Variants in MINAR1 observed in about 807,000 individuals in gnomAD.
MINAR1 encodes the protein major intrinsically disordered Notch2-binding receptor 1.
In MINAR1, 40 loss-of-function variants were observed where a neutral mutation model predicts 65.1. That is an observed-to-expected ratio of 0.61 (90% confidence interval 0.48 to 0.80). The LOEUF (loss-of-function observed/expected upper bound fraction) is 0.80, where lower values mean the gene tolerates loss of function less well. Ranked by LOEUF, MINAR1 falls within the 30% of genes least tolerant of loss-of-function variation. MINAR1 has a pLI of 0.00. For synonymous variants in MINAR1, 482 were observed against 449.1 expected (o/e 1.07, Z -0.93); for missense variants, 1,128 against 1,148.0 (o/e 0.98, Z 0.25).
chr15:79,467,408 T>C (rs777449327), intron 3 of MINAR1, among the ~76,000 whole-genome samples: 2 of 152,218 alleles, frequency 1.3e-5, no homozygotes, highest in Non-Finnish European at 2.9e-5. Context: ...CCTTTCTTCA[T>C]GGAAATAGAT....
intron 3 of MINAR1, 45 bp from the exon 4 acceptor site, chr15:79,468,142 T>C: frequency 6.5e-7 from 1 of 1,531,180 alleles, no homozygotes; most frequent in South Asian, 1.1e-5. Context: ...TTTGACCTGA[T>C]TTCAAGTATT....
rs17266017 is a variant in MINAR1, at chr15:79,470,183, A to C, written c.*1799A>C. On this transcript the variant is annotated 3_prime_UTR_variant, in exon 4 of 4. Coordinates refer to ENST00000305428, the MANE Select transcript of MINAR1 (RefSeq NM_015206.3). Reference sequence around the variant, plus strand: ...GGATTTATAATTGAAAATGAAAAAAATATGTTACTCTCTATCATCAGAATT... The same window carrying C: ...GGATTTATAATTGAAAATGAAAAAACTATGTTACTCTCTATCATCAGAATT... The C allele has an allele frequency of 0.23, 34,555 of 152,536 alleles. 4,413 individuals carry two copies. The highest frequency in any genetic ancestry group is 0.33 in the Middle Eastern group (98 of 294). The allele number at this position is 152,536 out of a possible 1,614,324, so 9.4% of individuals were successfully genotyped here. A position where few individuals can be genotyped will look rare whatever the true frequency, so the allele number is the denominator to read the frequency against.
upstream of MINAR1, among the ~76,000 whole-genome samples, chr15:79,431,794 C>T (rs909542692): frequency 3.3e-5 from 5 of 152,330 alleles, 1 homozygote; most frequent in South Asian, 1.0e-3. Flanking sequence ...GGTGGGCTCC[C>T]TCCAGCGCGC....
chr15:79,469,834 TTTTGGTAGCAAGTGTAATCA>T lies in MINAR1; in HGVS notation c.*1451_*1470del, dbSNP rs763346618. 3.3e-5 allele frequency: 5 copies of T among 152,630 alleles called. No homozygotes were observed. Among genetic ancestry groups the T allele is most frequent in the Non-Finnish European group, 7.3e-5 (5 of 68,030 alleles). 9.5% of individuals were successfully genotyped at this position (152,630 alleles called of 1,614,324 possible). A position where few individuals can be genotyped will look rare whatever the true frequency, so the allele number is the denominator to read the frequency against. On this transcript the variant is annotated 3_prime_UTR_variant, in exon 4 of 4. Transcript: ENST00000305428. ...GATAATAAGGTGGGATATAAATAGA[TTTTGGTAGCAAGTGTAATCA>T]CTCCGTATGATATAATAAATTTCTA...
intron 1 of MINAR1, among the ~76,000 whole-genome samples, chr15:79,446,249 A>T (rs1477931300): frequency 6.6e-6 from 1 of 152,202 alleles, no homozygotes. Context: ...ATAGTAATTT[A>T]AAAGTTTTAA....
At chr15:79,455,667 A>G (rs1460459041) in intron 1 of MINAR1, among the ~76,000 whole-genome samples, 1 of 152,126 alleles carries the variant, frequency 6.6e-6, no homozygotes, top group Non-Finnish European at 1.5e-5. Context: ...CCACCCACAC[A>G]CGATACATTC....
chr15:79,411,827 A>G, the MINAR1 span: 131 of 271,830 alleles, frequency 4.8e-4, 1 homozygote, highest in East Asian at 9.1e-3. Flanking sequence ...GCAATAAAGC[A>G]TAGCCAGGGA....
At chr15:79,445,629 A>C (rs957608775) in intron 1 of MINAR1, among the ~76,000 whole-genome samples, 9 of 150,146 alleles carry the variant, frequency 6.0e-5, no homozygotes, top group Non-Finnish European at 1.0e-4. Context: ...GCTCACCGCA[A>C]CCTCCACCTC....
At chr15:79,439,338 C>G in intron 1 of MINAR1, among the ~76,000 whole-genome samples, 1 of 32,540 alleles carries the variant, frequency 3.1e-5, no homozygotes, top group Non-Finnish European at 6.1e-5. Context: ...GTGGGGTAGG[C>G]AGTGTGTGTG....
intron 1 of MINAR1, among the ~76,000 whole-genome samples, chr15:79,452,760 A>AGGGT (rs202014507): frequency 1.4e-5 from 2 of 139,722 alleles, no homozygotes; most frequent in South Asian, 2.3e-4. Context: ...TGTGTGGGTG[A>AGGGT]GTGAAGCTGT....
At position 79,456,912 on chromosome 15, in the gene MINAR1, G is replaced by A; in HGVS notation, c.765G>A (p.Gln255=). The change falls in exon 2 of 4, where the codon CAG becomes CAA. Residue 255 remains glutamine, a synonymous_variant. Coordinates refer to ENST00000305428, the MANE Select transcript of MINAR1 (RefSeq NM_015206.3). ...CATTTGTGGTCCAGTCCTGTGTCCA[G>A]AAAAGGAATATCTTCAAAGAGGATT... The part of the protein sequence containing the change: ...EEPFVVQSCV[Q]KRNIFKEDFH... 1 of 1,614,138 alleles carries A rather than the reference G, an allele frequency of 6.2e-7. No homozygotes were observed. Among genetic ancestry groups the A allele is most frequent in the Non-Finnish European group, 8.5e-7 (1 of 1,180,024 alleles).
At chr15:79,461,785 G>A (rs766029352) in intron 2 of MINAR1, among the ~76,000 whole-genome samples, 2 of 152,004 alleles carry the variant, frequency 1.3e-5, no homozygotes, top group South Asian at 2.1e-4. Flanking sequence ...CATACACCAC[G>A]TGTGCTTCCA....
At chr15:79,446,471 T>C (rs1017483619) in intron 1 of MINAR1, among the ~76,000 whole-genome samples, 3 of 152,126 alleles carry the variant, frequency 2.0e-5, no homozygotes, top group African/African-American at 4.8e-5. Flanking sequence ...ATAGTTTACA[T>C]GGTAATAAAA....
At position 79,468,431 on chromosome 15, in the gene MINAR1, G is replaced by C; in HGVS notation, c.*47G>C. On this transcript the variant is annotated 3_prime_UTR_variant, in exon 4 of 4. Transcript: ENST00000305428. The stretch of plus-strand genomic sequence containing the variant: ...ACAGCTTATGACTACCAATGTCGTC[G>C]TCTGTATCTTAGAATCTTGCAGCAG... The C allele has an allele frequency of 6.5e-7, 1 of 1,540,214 alleles. No homozygotes were observed. The highest frequency in any genetic ancestry group is 8.9e-7 in the Non-Finnish European group (1 of 1,124,934).
At chr15:79,454,960 T>A (rs1255993145) in intron 1 of MINAR1, among the ~76,000 whole-genome samples, 2 of 152,222 alleles carry the variant, frequency 1.3e-5, no homozygotes, top group African/African-American at 4.8e-5. Flanking sequence ...GTTAATGATA[T>A]GTATGATGAA....
upstream of MINAR1, among the ~76,000 whole-genome samples, chr15:79,428,410 CTCCT>C (rs148884826): frequency 0.025 from 3,097 of 125,732 alleles, 61 homozygotes; most frequent in Middle Eastern, 0.051. Flanking sequence ...CCCTCCCTCC[CTCCT>C]TCCTTCATTC....
At chr15:79,424,118 T>G in the MINAR1 span, 1 of 152,216 alleles carries the variant, frequency 6.6e-6, no homozygotes, top group African/African-American at 2.4e-5. Flanking sequence ...GTTATTTCAG[T>G]GGAAACCTGG....
chr15:79,416,325 A>G, the MINAR1 span: 1 of 152,202 alleles, frequency 6.6e-6, no homozygotes, highest in Non-Finnish European at 1.5e-5. Flanking sequence ...GCTGGTATGG[A>G]AATTTCTTGC....
At chr15:79,447,011 C>G (rs1180180578) in intron 1 of MINAR1, among the ~76,000 whole-genome samples, 1 of 152,252 alleles carries the variant, frequency 6.6e-6, no homozygotes, top group Admixed American at 6.5e-5. Context: ...CTCAGCCTCC[C>G]GAGTAGCTGG....
Sources: allele counts gnomAD v4.1 joint callset (sites outside exome capture counted in the v4.1 genomes callset), GRCh38; gene constraint gnomAD v4.1.1; transcripts MANE v1.5; gene names NCBI Gene and HGNC (gene_info 2026-07-23, HGNC 2026-07-21).